The following ACOT12 variants were observed in gnomAD, a reference collection of about 807,000 sequenced individuals.
The protein encoded by ACOT12 is acetyl-coenzyme A thioesterase.
In ACOT12, 51 loss-of-function variants were observed where a neutral mutation model predicts 67.7. That is an observed-to-expected ratio of 0.75 (90% CI 0.60 to 0.95). The LOEUF is 0.95. Ranked by LOEUF, ACOT12 falls within the 40% of genes least tolerant of loss-of-function variation. ACOT12 has a pLI of 0.00. For synonymous variants in ACOT12, 251 were observed against 244.6 expected, an observed-to-expected ratio of 1.03 and a Z score of -0.24; for missense variants, 734 against 708.1, an observed-to-expected ratio of 1.04 and a Z score of -0.41.
At chr5:81,331,027 T>C (rs1022808611) in intron 13 of ACOT12, 87 bp from the exon 14 acceptor site, 5 of 1,411,748 alleles carry the variant, frequency 3.5e-6, no homozygotes, top group East Asian at 5.0e-5. Flanking sequence ...AATTTACTTA[T>C]ACAGGTAGAA....
chr5:81,315,929 T>C, the ACOT12 span, among the ~76,000 whole-genome samples: 1 of 152,266 alleles, frequency 6.6e-6, no homozygotes. Flanking sequence ...ATTTATTATA[T>C]GTGTCGTTTT....
intron 5 of ACOT12, among the ~76,000 whole-genome samples, chr5:81,358,380 G>A (rs1759790097): frequency 6.6e-6 from 1 of 152,166 alleles, no homozygotes; most frequent in Non-Finnish European, 1.5e-5. Context: ...ATTAATGGTT[G>A]TCTCACCTGC....
intron 8 of ACOT12, 25 bp from the exon 9 acceptor site, chr5:81,344,240 CAATAA>C (rs748704170): frequency 8.7e-6 from 14 of 1,601,250 alleles, no homozygotes; most frequent in Non-Finnish European, 1.0e-5. Context: ...AAAGTAAAAT[CAATAA>C]AATAAAATAA....
At position 81,394,126 on chromosome 5, in the gene ACOT12, G is replaced by C. The variant is rs1389736846; in HGVS notation, c.-12C>G. ...GCCGGCCGCTCCATGGCCAGGGCGA[G>C]AGCGCTACGCCTGCGGCCCCCGACA... On this transcript the variant is annotated 5_prime_UTR_variant, in exon 1 of 15. Transcript: ENST00000307624. 9.1e-6 allele frequency: 13 copies of C among 1,430,346 alleles called. No individual in the cohort carries two copies. The highest frequency in any genetic ancestry group is 2.6e-5 in the Admixed American group (1 of 38,278). 88.6% of individuals were successfully genotyped at this position (1,430,346 alleles called of 1,614,324 possible). A position where few individuals can be genotyped will look rare whatever the true frequency, so the allele number is the denominator to read the frequency against.
intron 14 of ACOT12, 115 bp from the exon 15 acceptor site, chr5:81,330,658 C>G (rs1758788410): frequency 1.4e-6 from 2 of 1,472,924 alleles, no homozygotes; most frequent in African/African-American, 2.8e-5. Flanking sequence ...TTCTGGGGGA[C>G]CTTCTGGAAT....
chr5:81,332,184 G>A (rs62365868), intron 13 of ACOT12, among the ~76,000 whole-genome samples: 133 of 152,246 alleles, frequency 8.7e-4, no homozygotes, highest in African/African-American at 3.0e-3. Context: ...TGGCTTCCAC[G>A]ACATTTTTAC....
chr5:81,319,715 C>G, the ACOT12 span, among the ~76,000 whole-genome samples: 2 of 117,160 alleles, frequency 1.7e-5, no homozygotes, highest in Non-Finnish European at 3.7e-5. Context: ...GAAACTGTCT[C>G]AAAAAAAAAA....
At chr5:81,343,018 C>T (rs755701089) in intron 10 of ACOT12, among the ~76,000 whole-genome samples, 3 of 151,936 alleles carry the variant, frequency 2.0e-5, no homozygotes, top group Non-Finnish European at 4.4e-5. Flanking sequence ...CCCATTTCTA[C>T]GAAAAATACA....
At chr5:81,390,515 T>A (rs1443094303) in intron 1 of ACOT12, among the ~76,000 whole-genome samples, 3 of 151,148 alleles carry the variant, frequency 2.0e-5, no homozygotes, top group African/African-American at 7.3e-5. Context: ...TCTTTTGAGA[T>A]GGAGTCTCAT....
At chr5:81,369,444 A>G (rs1241049776) in intron 3 of ACOT12, among the ~76,000 whole-genome samples, 1 of 152,244 alleles carries the variant, frequency 6.6e-6, no homozygotes, top group African/African-American at 2.4e-5. Context: ...GGACATGTCC[A>G]GTTTGAAAAA....
the ACOT12 span, among the ~76,000 whole-genome samples, chr5:81,315,626 T>G: frequency 3.3e-4 from 50 of 152,326 alleles, 1 homozygote; most frequent in South Asian, 0.01. Flanking sequence ...TGGGTAGCTC[T>G]TAGATTGGAT....
chr5:81,347,658 C>T (rs1172844794), intron 6 of ACOT12, 116 bp downstream of exon 6: 29 of 1,157,184 alleles, frequency 2.5e-5, no homozygotes, highest in Non-Finnish European at 3.4e-5. Context: ...TAAAAGGCAA[C>T]ATTTTCCTCA....
intron 5 of ACOT12, among the ~76,000 whole-genome samples, chr5:81,352,255 G>A (rs1281308245): frequency 3.3e-5 from 5 of 152,142 alleles, no homozygotes; most frequent in Admixed American, 3.3e-4. Flanking sequence ...CCATTGCTGG[G>A]TATACACCCA....
intron 5 of ACOT12, among the ~76,000 whole-genome samples, chr5:81,349,395 G>T (rs1759485119): frequency 6.6e-6 from 1 of 151,954 alleles, no homozygotes; most frequent in South Asian, 2.1e-4. Flanking sequence ...CTCTCCCTTT[G>T]CTCCAGCCAC....
intron 2 of ACOT12, among the ~76,000 whole-genome samples, chr5:81,378,206 G>T (rs900446785): frequency 6.6e-6 from 1 of 152,128 alleles, no homozygotes; most frequent in Non-Finnish European, 1.5e-5. Context: ...TCTGACCTTT[G>T]ACAAACCTGA....
intron 11 of ACOT12, among the ~76,000 whole-genome samples, chr5:81,340,784 G>A (rs889584518): frequency 8.5e-5 from 13 of 152,146 alleles, no homozygotes; most frequent in African/African-American, 3.1e-4. Context: ...GGAGAGAAGA[G>A]GAGGAAAACT....
At chr5:81,385,634 T>C in intron 2 of ACOT12, 123 bp downstream of exon 2, 5 of 852,954 alleles carry the variant, frequency 5.9e-6, no homozygotes, top group Non-Finnish European at 9.2e-6. Flanking sequence ...GGGTCACATG[T>C]TATTTATTTT....
chr5:81,384,057 T>A (rs772805409), intron 2 of ACOT12, among the ~76,000 whole-genome samples: 7 of 151,900 alleles, frequency 4.6e-5, no homozygotes, highest in Non-Finnish European at 1.0e-4. Flanking sequence ...CCTGCACTCC[T>A]GCAGAGCAAC....
In ACOT12 at chr5:81,371,919, C is replaced by T. The variant is rs143037084; in HGVS notation, c.198-109G>A. 2.9e-4 allele frequency: 270 copies of T among 921,892 alleles called. 2 individuals are homozygous for T. In the East Asian group the frequency reaches 6.3e-3, roughly 22 times the overall value. The allele number at this position is 921,892 out of a possible 1,614,324, so 57.1% of individuals were successfully genotyped here. ...CATAAAGCAGTTCCACCTTATCATGCTGATAATTTTCATGCATGCGAAATT... is the reference window on the plus strand; with the variant it reads ...CATAAAGCAGTTCCACCTTATCATGTTGATAATTTTCATGCATGCGAAATT... On this transcript the variant is annotated intron_variant, in intron 2 of 14. Transcript: ENST00000307624.
Sources: allele counts gnomAD v4.1 joint callset (sites outside exome capture counted in the v4.1 genomes callset), GRCh38; gene constraint gnomAD v4.1.1; transcripts MANE v1.5; gene names NCBI Gene and HGNC (gene_info 2026-07-23, HGNC 2026-07-21).